NIM1K: variants seen among roughly 807,000 people sequenced by gnomAD.
NIM1K encodes the protein serine/threonine-protein kinase NIM1.
NIM1K carries 35 observed loss-of-function variants against 37.1 expected under a neutral mutation model. The observed-to-expected ratio is 0.94, with a 90% CI of 0.72 to 1.25. NIM1K has a LOEUF of 1.25. NIM1K is among the 50% of genes most tolerant of loss of function. The probability of loss-of-function intolerance (pLI) is 0.00; values close to 1 mark genes in which losing one functional copy is unlikely to be tolerated. For missense variants in NIM1K, 564 were observed against 548.0 expected, an observed-to-expected ratio of 1.03 and a Z score of -0.29; for synonymous variants, 234 against 206.6, an observed-to-expected ratio of 1.13 and a Z score of -1.14.
intron 1 of NIM1K, among the ~76,000 whole-genome samples, chr5:43,214,087 G>A (rs1465392944): frequency 6.6e-6 from 1 of 151,054 alleles, no homozygotes; most frequent in Non-Finnish European, 1.5e-5. Context: ...TTACAGGCAT[G>A]AGCCACCACA....
chr5:43,279,004 T>C (rs1256514464), intron 3 of NIM1K, among the ~76,000 whole-genome samples: 1 of 152,132 alleles, frequency 6.6e-6, no homozygotes, highest in Non-Finnish European at 1.5e-5. Context: ...CACATTCTAC[T>C]TGGAAAAGTA....
chr5:43,280,791 G>A lies in NIM1K; in HGVS notation c.*62G>A. 3 of 1,444,830 alleles carry A rather than the reference G, an allele frequency of 2.1e-6. No individual in the cohort carries two copies. The highest frequency in any genetic ancestry group is 2.3e-5 in the Admixed American group (1 of 42,850). The allele number at this position is 1,444,830 out of a possible 1,614,324, so 89.5% of individuals were successfully genotyped here. ...GTTGCTGCTTCTAAATTTTTTTCAA[G>A]GACAACTTGAGTGGAGACATTTTTG... On this transcript the variant is annotated 3_prime_UTR_variant, in exon 4 of 4. Transcript: ENST00000326035.
chr5:43,221,153 G>A (rs182680521), intron 1 of NIM1K, among the ~76,000 whole-genome samples: 10 of 152,272 alleles, frequency 6.6e-5, no homozygotes, highest in African/African-American at 2.4e-4. Flanking sequence ...ATGGGGCAGA[G>A]AGAAGAGTGC....
At chr5:43,262,268 GTCC>G (rs1204118982) in intron 2 of NIM1K, among the ~76,000 whole-genome samples, 1 of 152,066 alleles carries the variant, frequency 6.6e-6, no homozygotes, top group Non-Finnish European at 1.5e-5. Flanking sequence ...ATTTGTTTGT[GTCC>G]TCTTTTATTT....
At chr5:43,212,488 C>A (rs10512821) in intron 1 of NIM1K, among the ~76,000 whole-genome samples, 22,101 of 151,698 alleles carry the variant, frequency 0.15, 1,937 homozygotes, top group Middle Eastern at 0.23. Flanking sequence ...CAGCCTGTAA[C>A]ATACCATGGT....
intron 1 of NIM1K, among the ~76,000 whole-genome samples, chr5:43,228,952 C>T (rs1459857001): frequency 2.0e-5 from 3 of 152,200 alleles, no homozygotes; most frequent in African/African-American, 7.2e-5. Context: ...TTTAGATTAA[C>T]AGTATTACAT....
chr5:43,243,449 G>GTT (rs374755279), intron 1 of NIM1K, among the ~76,000 whole-genome samples: 2 of 141,822 alleles, frequency 1.4e-5, no homozygotes, highest in African/African-American at 2.6e-5. Context: ...ATGGGTGAGG[G>GTT]TTTTTTTTTT....
chr5:43,201,566 C>G (rs1237688059), intron 1 of NIM1K, among the ~76,000 whole-genome samples: 1 of 152,098 alleles, frequency 6.6e-6, no homozygotes, highest in Non-Finnish European at 1.5e-5. Context: ...ATTCTTAGAA[C>G]TGATGACACA....
At chr5:43,255,754 A>AAAAAAG (rs112325348) in intron 2 of NIM1K, among the ~76,000 whole-genome samples, 244 of 131,886 alleles carry the variant, frequency 1.9e-3, no homozygotes, top group African/African-American at 4.7e-3. Context: ...TCTCAAAAAA[A>AAAAAAG]AAAGAAAGAA....
At position 43,202,475 on chromosome 5, in the gene NIM1K, G is replaced by A. The variant is rs557444657; in HGVS notation, c.-695+10064G>A. On this transcript the variant is annotated intron_variant, in intron 1 of 3. Coordinates refer to ENST00000326035, the MANE Select transcript of NIM1K (RefSeq NM_153361.4). Reference sequence around the variant, plus strand: ...TGCCACTGTCTCTTTACCCCTCTGGGTCTGTTTATTCCAATACAAAATGCG... The same window carrying A: ...TGCCACTGTCTCTTTACCCCTCTGGATCTGTTTATTCCAATACAAAATGCG... Among the ~76,000 whole-genome samples the A allele has an allele frequency of 2.0e-5, 3 of 152,282 alleles. No individual in the cohort carries two copies. The South Asian group carries it at 6.2e-4, about 32-fold the overall frequency.
At chr5:43,258,487 G>C (rs2112280346) in intron 2 of NIM1K, among the ~76,000 whole-genome samples, 1 of 151,718 alleles carries the variant, frequency 6.6e-6, no homozygotes, top group Non-Finnish European at 1.5e-5. Flanking sequence ...TGTCACCCAG[G>C]CTGGAATGTG....
intron 1 of NIM1K, among the ~76,000 whole-genome samples, chr5:43,242,568 T>G (rs1336264295): frequency 1.3e-5 from 2 of 151,840 alleles, no homozygotes; most frequent in East Asian, 3.8e-4. Context: ...TAATAGCTAG[T>G]AAAGGGAGCC....
At chr5:43,197,703 A>G (rs1751939221) in intron 1 of NIM1K, among the ~76,000 whole-genome samples, 1 of 151,988 alleles carries the variant, frequency 6.6e-6, no homozygotes, top group South Asian at 2.1e-4. Flanking sequence ...ACATTTCTCT[A>G]TCTTTCAGTA....
chr5:43,240,733 C>G (rs1752688209), intron 1 of NIM1K, among the ~76,000 whole-genome samples: 1 of 151,770 alleles, frequency 6.6e-6, no homozygotes, highest in African/African-American at 2.4e-5. Context: ...AACGGGGTTT[C>G]ACCATGTTGG....
chr5:43,193,019 C>T (rs1263759661), intron 1 of NIM1K: 1 of 152,240 alleles, frequency 6.6e-6, no homozygotes, highest in Non-Finnish European at 1.5e-5. Flanking sequence ...CGCGACTCTC[C>T]CCAGCGAAAG....
intron 1 of NIM1K, among the ~76,000 whole-genome samples, chr5:43,236,275 C>A (rs945618850): frequency 6.6e-6 from 1 of 151,368 alleles, no homozygotes; most frequent in Non-Finnish European, 1.5e-5. Flanking sequence ...AAACAAAAAA[C>A]AAAACAAAAT....
At chr5:43,270,843 C>G (rs1753245113) in intron 2 of NIM1K, among the ~76,000 whole-genome samples, 1 of 152,182 alleles carries the variant, frequency 6.6e-6, no homozygotes, top group Non-Finnish European at 1.5e-5. Flanking sequence ...AGAGATCCTC[C>G]TCCAGTGAAT....
chr5:43,196,818 G>A (rs547088925), intron 1 of NIM1K, among the ~76,000 whole-genome samples: 98 of 151,832 alleles, frequency 6.5e-4, no homozygotes, highest in Admixed American at 1.6e-3. Context: ...TGTTGCCCAG[G>A]GTAGAGTACA....
chr5:43,234,609 G>A (rs926270989), intron 1 of NIM1K, among the ~76,000 whole-genome samples: 5 of 151,874 alleles, frequency 3.3e-5, no homozygotes, highest in African/African-American at 4.8e-5. Context: ...GCCAACATGC[G>A]GATGGGGACT....
Sources: allele counts gnomAD v4.1 joint callset (sites outside exome capture counted in the v4.1 genomes callset), GRCh38; gene constraint gnomAD v4.1.1; transcripts MANE v1.5; gene names NCBI Gene and HGNC (gene_info 2026-07-23, HGNC 2026-07-21).